CFAP54: variants seen among roughly 807,000 people sequenced by gnomAD.
CFAP54 encodes the protein cilia and flagella associated protein 54.
A neutral mutation model predicts 370.4 loss-of-function variants in CFAP54; 290 were observed. The observed-to-expected ratio is 0.78, with a 90% CI of 0.71 to 0.86. The LOEUF (loss-of-function observed/expected upper bound fraction) is 0.86, where lower values mean the gene tolerates loss of function less well. CFAP54 is among the 40% of genes least tolerant of loss of function. The pLI is 0.00. For synonymous variants in CFAP54, 1,206 were observed against 1,236.5 expected (o/e 0.98, Z 0.52); for missense variants, 3,399 against 3,528.7 (o/e 0.96, Z 0.93).
rs112675739 is a variant in CFAP54 at position 96,755,348 on chromosome 12, G to T, written c.7841-1110G>T. Among the ~76,000 whole-genome samples, 1,167 of 151,872 alleles carry T rather than the reference G, an allele frequency of 7.7e-3. 18 individuals are homozygous for T. Among genetic ancestry groups the T allele is most frequent in the African/African-American group, 0.027 (1,106 of 41,396 alleles). On this transcript the variant is annotated intron_variant, in intron 56 of 67. Coordinates refer to ENST00000524981, the MANE Select transcript of CFAP54 (RefSeq NM_001306084.2). Reference sequence around the variant, plus strand: ...CTTCACATACTTATCATTTTTTTGTGGTGAAAGCATTTAAAATCTATAATT... The same window carrying T: ...CTTCACATACTTATCATTTTTTTGTTGTGAAAGCATTTAAAATCTATAATT...
chr12:96,550,984 T>C (rs982285206), intron 15 of CFAP54, among the ~76,000 whole-genome samples: 10 of 152,168 alleles, frequency 6.6e-5, no homozygotes, highest in Non-Finnish European at 1.3e-4. Context: ...AAAAAAACTC[T>C]GGCCTGGGTA....
At chr12:96,868,522 G>A (rs144033532) in intron 67 of CFAP54, among the ~76,000 whole-genome samples, 184 of 141,612 alleles carry the variant, frequency 1.3e-3, no homozygotes, top group Middle Eastern at 4.0e-3. Flanking sequence ...TTACATTCTC[G>A]TTTTCCTTTC....
Position 96,811,833 on chromosome 12 carries a change from C to T in CFAP54, c.8948C>T (p.Pro2983Leu). The T allele has an allele frequency of 4.0e-6, 6 of 1,488,074 alleles. No homozygotes were observed. Among genetic ancestry groups the T allele is most frequent in the Non-Finnish European group, 3.6e-6 (4 of 1,122,582 alleles). The allele number at this position is 1,488,074 out of a possible 1,614,324, so 92.2% of individuals were successfully genotyped here. Residue 2983 changes from proline (P) to leucine (L), a missense_variant, in exon 64 of 68, where the codon CCA becomes CTA. By Grantham distance (98) the Pro-to-Leu change is moderately conservative (BLOSUM62 -3). Transcript: ENST00000524981. ...NSTCVGSLWI[P>L]LNRVIAIHEK... is the part of the protein sequence containing the mutation. ...ACATGTGTTGGCTCTTTATGGATTC[C>T]ACTGAATAGGCAAGTAAAAATTCCA...
At position 96,634,046 on chromosome 12, in the gene CFAP54, C is replaced by CTTTTTTTTTTTTTTTTTTTTTTTTTTTT. The variant is rs71437232; in HGVS notation, c.4316+3422_4316+3423insTTTTTTTTTTTTTTTTTTTTTTTTTTTT. On this transcript the variant is annotated intron_variant, in intron 32 of 67. Transcript: ENST00000524981. Reference sequence around the variant, plus strand: ...TCTAATGGCTAATGATAGCGAACATCTTTTTTTTTTTTTTTTTTTTTTTTT... The same window carrying CTTTTTTTTTTTTTTTTTTTTTTTTTTTT: ...TCTAATGGCTAATGATAGCGAACATCTTTTTTTTTTTTTTTTTTTTTTTTTTTTTTTTTTTTTTTTTTTTTTTTTTTTT... 4.0e-4 allele frequency among the ~76,000 whole-genome samples: 23 copies of CTTTTTTTTTTTTTTTTTTTTTTTTTTTT among 56,898 alleles called. 4 individuals carry two copies. The highest frequency in any genetic ancestry group is 6.6e-4 in the Non-Finnish European group (20 of 30,082). The allele number at this position is 56,898 out of a possible 152,430, so 37.3% of individuals were successfully genotyped here.
chr12:96,670,955 G>T (rs950635360), intron 39 of CFAP54, among the ~76,000 whole-genome samples: 3 of 152,080 alleles, frequency 2.0e-5, no homozygotes, highest in Non-Finnish European at 4.4e-5. Flanking sequence ...TTTCAATGAG[G>T]CTTACCCTGA....
chr12:96,806,751 C>A (rs1287480730), intron 63 of CFAP54, among the ~76,000 whole-genome samples: 1 of 152,124 alleles, frequency 6.6e-6, no homozygotes, highest in African/African-American at 2.4e-5. Flanking sequence ...GTTGACCATG[C>A]AATTAGCTGG....
chr12:96,501,113 A>G (rs1012472053), intron 2 of CFAP54, 174 bp downstream of exon 2: 62 of 487,586 alleles, frequency 1.3e-4, no homozygotes, highest in Non-Finnish European at 1.9e-4. Context: ...GTTGCTTTTT[A>G]ATTTTGTAGT....
At chr12:96,509,926 A>G (rs1419592316) in intron 4 of CFAP54, among the ~76,000 whole-genome samples, 1 of 152,120 alleles carries the variant, frequency 6.6e-6, no homozygotes, top group African/African-American at 2.4e-5. Flanking sequence ...GATGGTGGCC[A>G]TTTTTAATGA....
chr12:96,844,925 G>A (rs1227715899), intron 66 of CFAP54, among the ~76,000 whole-genome samples: 2 of 152,192 alleles, frequency 1.3e-5, no homozygotes, highest in East Asian at 3.8e-4. Context: ...GGACACCCAT[G>A]CTTTTCTAGC....
At chr12:96,574,795 T>A (rs1409585959) in intron 19 of CFAP54, among the ~76,000 whole-genome samples, 1 of 152,154 alleles carries the variant, frequency 6.6e-6, no homozygotes, top group Non-Finnish European at 1.5e-5. Flanking sequence ...ATTTAAGGTG[T>A]CTGCATTTGT....
At chr12:96,608,205 G>A (rs961558356) in intron 26 of CFAP54, among the ~76,000 whole-genome samples, 7 of 151,982 alleles carry the variant, frequency 4.6e-5, no homozygotes, top group Admixed American at 1.3e-4. Flanking sequence ...AAATTTATTA[G>A]TAACCTTGAC....
chr12:96,765,828 C>A (rs1958397295), intron 60 of CFAP54, among the ~76,000 whole-genome samples: 1 of 152,196 alleles, frequency 6.6e-6, no homozygotes, highest in South Asian at 2.1e-4. Flanking sequence ...TTAGTTACTC[C>A]TTTGATAGTA....
At position 96,647,472 on chromosome 12, in the gene CFAP54, C is replaced by CAAAAAAA. The variant is rs57089692; in HGVS notation, c.4548-385_4548-379dup. On this transcript the variant is annotated intron_variant, in intron 33 of 67. Transcript: ENST00000524981. ...TGGGCGACAGAGCGAGACTCTGTCC[C>CAAAAAAA]AAAAAAAAAAAAAAAAAAAAAAAAG... 4.9e-3 allele frequency among the ~76,000 whole-genome samples: 198 copies of CAAAAAAA among 40,632 alleles called. 2 individuals carry two copies. Among genetic ancestry groups the CAAAAAAA allele is most frequent in the Middle Eastern group, 0.077 (2 of 26 alleles). The allele number at this position is 40,632 out of a possible 152,430, so 26.7% of individuals were successfully genotyped here.
At chr12:96,572,647 G>A (rs574138979) in intron 19 of CFAP54, among the ~76,000 whole-genome samples, 2 of 152,296 alleles carry the variant, frequency 1.3e-5, no homozygotes, top group South Asian at 4.1e-4. Context: ...AAGAGACTGG[G>A]AGAAAGGCAG....
At chr12:96,806,479 C>A (rs1303922888) in intron 63 of CFAP54, among the ~76,000 whole-genome samples, 1 of 151,480 alleles carries the variant, frequency 6.6e-6, no homozygotes, top group East Asian at 2.0e-4. Context: ...GAGATGTGGA[C>A]CTAGTACTCT....
chr12:96,615,887 A>C (rs1290083790), intron 26 of CFAP54, among the ~76,000 whole-genome samples: 1 of 152,252 alleles, frequency 6.6e-6, no homozygotes, highest in Non-Finnish European at 1.5e-5. Flanking sequence ...GGATGTGGAG[A>C]AATAGGAACA....
chr12:96,572,140 C>T (rs937902193), intron 19 of CFAP54, among the ~76,000 whole-genome samples: 2 of 152,290 alleles, frequency 1.3e-5, no homozygotes, highest in Non-Finnish European at 2.9e-5. Flanking sequence ...ATATTCCAAA[C>T]ACATTGACTG....
chr12:96,644,554 A>C, intron 33 of CFAP54, 146 bp downstream of exon 33: 1 of 609,768 alleles, frequency 1.6e-6, no homozygotes, highest in Non-Finnish European at 2.8e-6. Context: ...GTCTGTTCTC[A>C]CACTGCTATA....
intron 14 of CFAP54, among the ~76,000 whole-genome samples, chr12:96,543,793 C>T (rs1194150630): frequency 6.6e-6 from 1 of 152,124 alleles, no homozygotes; most frequent in East Asian, 1.9e-4. Context: ...TTTCAGTTCA[C>T]CCTAACTTCT....
Sources: allele counts gnomAD v4.1 joint callset (sites outside exome capture counted in the v4.1 genomes callset), GRCh38; gene constraint gnomAD v4.1.1; transcripts MANE v1.5; gene names NCBI Gene and HGNC (gene_info 2026-07-23, HGNC 2026-07-21).